QRICH1: variants seen among roughly 807,000 people sequenced by gnomAD.
QRICH1 encodes the protein transcriptional regulator QRICH1.
QRICH1 carries 16 observed loss-of-function variants against 87.1 expected under a neutral mutation model. The ratio of observed to expected loss-of-function variants is 0.18; its 90% CI spans 0.12 to 0.28. QRICH1 has a LOEUF of 0.28. Among genes scored for constraint, QRICH1 ranks in the 10% least tolerant of loss-of-function variants. QRICH1 has a pLI of 1.00. For missense variants in QRICH1, 647 were observed against 951.7 expected (o/e 0.68, Z 4.21); for synonymous variants, 367 against 368.4 (o/e 1.00, Z 0.05).
chr3:49,050,946 G>A (rs2093366921), intron 3 of QRICH1, among the ~76,000 whole-genome samples: 1 of 152,126 alleles, frequency 6.6e-6, no homozygotes, highest in South Asian at 2.1e-4. Context: ...TCTTAGCTCA[G>A]GGAGCAACCC....
At chr3:49,046,629 G>A in intron 4 of QRICH1, 50 bp from the exon 5 acceptor site, 2 of 1,594,368 alleles carry the variant, frequency 1.3e-6, no homozygotes, top group Non-Finnish European at 1.7e-6. Flanking sequence ...GTCCATATCT[G>A]GAAGGCTCAG....
intron 1 of QRICH1, among the ~76,000 whole-genome samples, chr3:49,079,541 AAAT>A (rs1266900195): frequency 1.3e-4 from 20 of 149,390 alleles, no homozygotes; most frequent in Admixed American, 2.7e-4. Context: ...TACTATAATA[AAAT>A]AATAATAATT....
At chr3:49,051,489 T>C (rs980960601) in intron 3 of QRICH1, among the ~76,000 whole-genome samples, 2 of 151,866 alleles carry the variant, frequency 1.3e-5, no homozygotes, top group Admixed American at 1.3e-4. Flanking sequence ...TTCAACTACA[T>C]GTTCTCCCTG....
chr3:49,073,545 A>G (rs1280126097), intron 2 of QRICH1, among the ~76,000 whole-genome samples: 2 of 152,002 alleles, frequency 1.3e-5, no homozygotes, highest in Non-Finnish European at 2.9e-5. Context: ...ATCTCGAAAA[A>G]AAAAAAAAGG....
chr3:49,092,519 C>G (rs2042295689), intron 1 of QRICH1: 1 of 152,068 alleles, frequency 6.6e-6, no homozygotes, highest in Admixed American at 6.6e-5. Context: ...ATAATTTTAA[C>G]TTTGTTCTTA....
At chr3:49,053,459 TGG>T (rs1184238701) in intron 3 of QRICH1, among the ~76,000 whole-genome samples, 1 of 121,360 alleles carries the variant, frequency 8.2e-6, no homozygotes, top group African/African-American at 3.3e-5. Flanking sequence ...CACTCCAGCC[TGG>T]GTGACAGAAT....
At chr3:49,058,365 C>T (rs1485643673) in intron 2 of QRICH1, among the ~76,000 whole-genome samples, 2 of 151,886 alleles carry the variant, frequency 1.3e-5, no homozygotes, top group Admixed American at 6.6e-5. Context: ...CTCATTGTGT[C>T]GCCCAGGCTG....
In QRICH1 at chr3:49,075,295, C is replaced by T. The variant is rs183743147; in HGVS notation, c.309+1414G>A. On this transcript the variant is annotated intron_variant, in intron 2 of 9. Coordinates refer to ENST00000395443, the MANE Select transcript of QRICH1 (RefSeq NM_198880.3). ...AGTGAGGAGTGATCGTGCCACTGCA[C>T]TCCAGCCTAGGTGACAGAGCAAGAC... is the stretch of plus-strand genomic sequence containing the variant. Among the ~76,000 whole-genome samples, 362 of 150,138 alleles carry T rather than the reference C, an allele frequency of 2.4e-3. 2 individuals are homozygous for T. Among genetic ancestry groups the T allele is most frequent in the African/African-American group, 8.6e-3 (351 of 40,764 alleles).
upstream of QRICH1, chr3:49,094,191 G>GC (rs2042337278): frequency 1.5e-5 from 6 of 391,424 alleles, no homozygotes. Context: ...GCTTCTGGCC[G>GC]CTAGAGCGGA....
chr3:49,091,023 C>T (rs2042266171), intron 1 of QRICH1, among the ~76,000 whole-genome samples: 1 of 152,092 alleles, frequency 6.6e-6, no homozygotes, highest in African/African-American at 2.4e-5. Context: ...GAGATTGAGA[C>T]CATCCTGGCT....
chr3:49,051,825 C>T (rs1193248946), intron 3 of QRICH1, among the ~76,000 whole-genome samples: 1 of 152,156 alleles, frequency 6.6e-6, no homozygotes, highest in African/African-American at 2.4e-5. Flanking sequence ...GCTTCTGTAG[C>T]AGGCCCCCTT....
intron 4 of QRICH1, 109 bp downstream of exon 4, chr3:49,046,960 C>T (rs1225306376): frequency 1.4e-5 from 18 of 1,252,294 alleles, no homozygotes; most frequent in Admixed American, 4.4e-5. Context: ...ACAGATGTTG[C>T]TCTCTTGTCC....
intron 2 of QRICH1, among the ~76,000 whole-genome samples, chr3:49,062,996 T>C (rs2093444401): frequency 6.6e-6 from 1 of 150,760 alleles, no homozygotes; most frequent in South Asian, 2.1e-4. Flanking sequence ...CGAGACTCCG[T>C]CTCAAAAAAA....
At chr3:49,034,202 G>C (rs1313229177) in intron 6 of QRICH1, among the ~76,000 whole-genome samples, 1 of 151,498 alleles carries the variant, frequency 6.6e-6, no homozygotes, top group South Asian at 2.1e-4. Flanking sequence ...GAGAACTTTG[G>C]GAGGCGGAGG....
At chr3:49,076,543 A>G (rs763914453) in intron 2 of QRICH1, among the ~76,000 whole-genome samples, 166 bp downstream of exon 2, 30 of 152,156 alleles carry the variant, frequency 2.0e-4, no homozygotes, top group Non-Finnish European at 3.1e-4. Flanking sequence ...AAAAAAGCTT[A>G]AAGAAAAAGG....
At chr3:49,039,143 G>A (rs1391786365) in intron 6 of QRICH1, among the ~76,000 whole-genome samples, 2 of 151,990 alleles carry the variant, frequency 1.3e-5, no homozygotes, top group African/African-American at 4.8e-5. Flanking sequence ...GATCACCTGA[G>A]GTCAGGAGTT....
intron 6 of QRICH1, among the ~76,000 whole-genome samples, chr3:49,038,122 C>T (rs1000968550): frequency 1.3e-5 from 2 of 151,116 alleles, no homozygotes; most frequent in East Asian, 1.9e-4. Flanking sequence ...AGGGCAGTGG[C>T]GCGATCTCGG....
intron 6 of QRICH1, among the ~76,000 whole-genome samples, chr3:49,043,386 C>T (rs2093321681): frequency 6.9e-6 from 1 of 145,250 alleles, no homozygotes; most frequent in South Asian, 2.2e-4. Flanking sequence ...ATCCCAGCTA[C>T]TTGGGAGGCT....
intron 6 of QRICH1, among the ~76,000 whole-genome samples, chr3:49,034,077 A>ATTTTATTAT (rs2093259509): frequency 1.3e-5 from 1 of 79,224 alleles, no homozygotes; most frequent in African/African-American, 6.3e-5. Context: ...TCTTTGGGGG[A>ATTTTATTAT]TTTTATTATT....
Sources: gnomAD v4.1 joint callset for allele counts (sites outside exome capture counted in the v4.1 genomes callset) on GRCh38, gnomAD v4.1.1 for gene constraint, MANE v1.5 for transcripts, NCBI Gene and HGNC (gene_info 2026-07-23, HGNC 2026-07-21) for gene names.